Variants in UGT2B7 observed in about 807,000 individuals in gnomAD.
The protein encoded by UGT2B7 is UDP-glucuronosyltransferase 2B7.
UGT2B7 carries 51 observed loss-of-function variants against 51.9 expected under a neutral mutation model. The observed-to-expected ratio is 0.98, with a 90% CI of 0.78 to 1.24. UGT2B7 has a LOEUF of 1.24. Ranked by LOEUF, UGT2B7 falls within the 50% of genes most tolerant of loss-of-function variation. The pLI is 0.00. For missense variants in UGT2B7, 727 were observed against 628.4 expected (o/e 1.16, Z -1.68); for synonymous variants, 225 against 211.6 (o/e 1.06, Z -0.55).
intron 3 of UGT2B7, among the ~76,000 whole-genome samples, chr4:69,103,709 C>CT (rs1306564404): frequency 3.3e-5 from 5 of 152,162 alleles, no homozygotes; most frequent in African/African-American, 1.2e-4. Flanking sequence ...GAACACTTGA[C>CT]TGACTCTTGG....
chr4:69,064,195 G>A (rs374671371), intron 1 of UGT2B7, among the ~76,000 whole-genome samples: 6 of 152,292 alleles, frequency 3.9e-5, no homozygotes, highest in African/African-American at 7.2e-5. Context: ...TGTCCCAGAC[G>A]CAGCAACGGG....
intron 1 of UGT2B7, among the ~76,000 whole-genome samples, chr4:69,076,842 C>T (rs1413683171): frequency 1.3e-5 from 2 of 152,092 alleles, no homozygotes; most frequent in South Asian, 4.2e-4. Context: ...GTGTTTTAGT[C>T]ATGAAGTCTT....
chr4:69,102,617 C>A (rs1349743020), intron 2 of UGT2B7, among the ~76,000 whole-genome samples, 190 bp from the exon 3 acceptor site: 1 of 152,038 alleles, frequency 6.6e-6, no homozygotes, highest in African/African-American at 2.4e-5. Context: ...TCCTTAACAG[C>A]ATCCACCTAT....
chr4:69,106,175 G>A (rs987242296), intron 3 of UGT2B7, among the ~76,000 whole-genome samples: 6 of 151,966 alleles, frequency 3.9e-5, no homozygotes, highest in African/African-American at 9.7e-5. Context: ...CTTGTGTCAT[G>A]GGGGGTTATT....
intron 1 of UGT2B7, among the ~76,000 whole-genome samples, chr4:69,061,892 C>T (rs911420928): frequency 4.6e-5 from 7 of 152,124 alleles, no homozygotes; most frequent in African/African-American, 1.2e-4. Flanking sequence ...TGGTGCTTGT[C>T]TGTACCTTTT....
At chr4:69,061,163 C>G (rs1298067775) in intron 1 of UGT2B7, among the ~76,000 whole-genome samples, 1 of 152,184 alleles carries the variant, frequency 6.6e-6, no homozygotes, top group Non-Finnish European at 1.5e-5. Flanking sequence ...CTTATAAGAG[C>G]TCTCTGGCTA....
At chr4:69,098,240 C>A (rs72643000) in intron 1 of UGT2B7, among the ~76,000 whole-genome samples, 13,990 of 151,990 alleles carry the variant, frequency 0.092, 938 homozygotes, top group Non-Finnish European at 0.14. Context: ...AAGAAATTTT[C>A]TGTTTAACTT....
intron 1 of UGT2B7, among the ~76,000 whole-genome samples, chr4:69,052,367 A>G (rs995276746): frequency 6.6e-6 from 1 of 152,098 alleles, no homozygotes; most frequent in African/African-American, 2.4e-5. Flanking sequence ...TACCAATTCT[A>G]AGTTAATTTA....
chr4:69,098,965 T>A (rs1159368358), intron 2 of UGT2B7, among the ~76,000 whole-genome samples: 2 of 151,924 alleles, frequency 1.3e-5, no homozygotes, highest in Non-Finnish European at 1.5e-5. Flanking sequence ...AAGGTATTGG[T>A]CATCCAATCA....
intron 1 of UGT2B7, chr4:69,089,425 C>G (rs1719035658): frequency 6.6e-6 from 1 of 152,144 alleles, no homozygotes; most frequent in Admixed American, 6.6e-5. Flanking sequence ...CTATATTATT[C>G]TACATGATAT....
chr4:69,093,489 C>T (rs185423782), upstream of UGT2B7, among the ~76,000 whole-genome samples: 2 of 152,308 alleles, frequency 1.3e-5, no homozygotes, highest in East Asian at 3.9e-4. Flanking sequence ...GCTCAGCCCC[C>T]TGAATTCAGC....
chr4:69,078,062 T>G (rs1197723344), intron 1 of UGT2B7, among the ~76,000 whole-genome samples: 1 of 151,750 alleles, frequency 6.6e-6, no homozygotes, highest in Non-Finnish European at 1.5e-5. Context: ...TTGTTTTTTG[T>G]TTTTTTTCAT....
Position 69,100,421 on chromosome 4 carries a change from C to T in UGT2B7, c.870+1733C>T, listed in dbSNP as rs76000823. On this transcript the variant is annotated intron_variant, in intron 2 of 5. Coordinates refer to ENST00000305231, the MANE Select transcript of UGT2B7 (RefSeq NM_001074.4). ...TGTACAAAGCAAGCATTCTTTGTTA[C>T]GTTATTATTTAATCTCTTAAAAGAT... 8.8e-3 allele frequency among the ~76,000 whole-genome samples: 1,345 copies of T among 151,998 alleles called. 92 individuals carry two copies. The East Asian group carries it at 0.18, about 20-fold the overall frequency.
intron 5 of UGT2B7, among the ~76,000 whole-genome samples, chr4:69,111,312 A>C (rs1316806373): frequency 4.6e-5 from 7 of 152,174 alleles, no homozygotes; most frequent in Admixed American, 2.0e-4. Context: ...CAAAAGTCTT[A>C]ATCAGGGGAG....
Position 69,088,348 on chromosome 4 carries a change from G to GTT in UGT2B7, c.-158-1118_-158-1117dup, listed in dbSNP as rs74726194. Among the ~76,000 whole-genome samples the GTT allele has an allele frequency of 4.2e-3, 641 of 151,392 alleles. 3 individuals are homozygous for GTT. Among genetic ancestry groups the GTT allele is most frequent in the African/African-American group, 0.015 (610 of 41,264 alleles). On this transcript the variant is annotated intron_variant, in intron 1 of 5. Coordinates refer to the UGT2B7 transcript ENST00000502942. ...TTTCCTGGATTATTCTCTAAAGTGTGTTTTTTTCAACTCTCTATTCATATG... is the reference window on the plus strand; with the variant it reads ...TTTCCTGGATTATTCTCTAAAGTGTGTTTTTTTTTCAACTCTCTATTCATATG...
chr4:69,058,679 T>C (rs923227532), intron 1 of UGT2B7, among the ~76,000 whole-genome samples: 26 of 151,618 alleles, frequency 1.7e-4, no homozygotes, highest in African/African-American at 6.1e-4. Flanking sequence ...AGGCAAAAAT[T>C]GCAGAAAATG....
intron 1 of UGT2B7, among the ~76,000 whole-genome samples, chr4:69,066,921 T>C (rs2109866412): frequency 6.6e-6 from 1 of 152,206 alleles, no homozygotes; most frequent in East Asian, 1.9e-4. Flanking sequence ...TCATGGAGTG[T>C]TGGTAACACA....
At chr4:69,087,735 A>C (rs1465305604) in intron 1 of UGT2B7, among the ~76,000 whole-genome samples, 1 of 151,652 alleles carries the variant, frequency 6.6e-6, no homozygotes, top group African/African-American at 2.4e-5. Context: ...TTTTTTCAGC[A>C]CTTTAAATGT....
chr4:69,108,499 A>G (rs550993629), intron 5 of UGT2B7, among the ~76,000 whole-genome samples, 177 bp downstream of exon 5: 27 of 151,728 alleles, frequency 1.8e-4, no homozygotes, highest in Non-Finnish European at 3.1e-4. Flanking sequence ...TTTGAAACAC[A>G]TACATCTAAA....
Sources: allele counts gnomAD v4.1 joint callset (sites outside exome capture counted in the v4.1 genomes callset), GRCh38; gene constraint gnomAD v4.1.1; transcripts MANE v1.5; gene names NCBI Gene and HGNC (gene_info 2026-07-23, HGNC 2026-07-21).